The following CADM2 variants were observed in gnomAD, a reference collection of about 807,000 sequenced individuals.
The protein encoded by CADM2 is cell adhesion molecule 2.
Under a neutral mutation model 49.8 loss-of-function variants are expected in CADM2, and 12 were observed. That is an observed-to-expected ratio of 0.24 (90% confidence interval 0.15 to 0.39). The LOEUF is 0.39. Among genes scored for constraint, CADM2 ranks in the 10% least tolerant of loss-of-function variants. The pLI is 1.00. For missense variants in CADM2, 378 were observed against 492.3 expected, an observed-to-expected ratio of 0.77 and a Z score of 2.20; for synonymous variants, 214 against 175.4, an observed-to-expected ratio of 1.22 and a Z score of -1.74.
intron 2 of CADM2, among the ~76,000 whole-genome samples, chr3:85,733,809 G>T (rs1454510144): frequency 2.6e-5 from 4 of 151,954 alleles, no homozygotes; most frequent in Admixed American, 6.6e-5. Context: ...CATCTGAAAG[G>T]CAAGATCTTC....
rs150657878 is a variant in CADM2, at chr3:85,079,814, C to T, written c.61+120146C>T. 2.5e-3 allele frequency among the ~76,000 whole-genome samples: 377 copies of T among 151,952 alleles called. 1 individual carries two copies. Among genetic ancestry groups the T allele is most frequent in the African/African-American group, 7.9e-3 (330 of 41,542 alleles). Reference sequence around the variant, plus strand: ...CGTATATTTGTTATATTAAGACTTACTTTTCCAGATAATACCCCTTTAGAT... The same window carrying T: ...CGTATATTTGTTATATTAAGACTTATTTTTCCAGATAATACCCCTTTAGAT... On this transcript the variant is annotated intron_variant, in intron 1 of 9. Transcript: ENST00000383699.
intron 1 of CADM2, among the ~76,000 whole-genome samples, chr3:85,675,110 G>T (rs908451817): frequency 6.6e-6 from 1 of 152,014 alleles, no homozygotes; most frequent in Non-Finnish European, 1.5e-5. Flanking sequence ...CTTAACTCCA[G>T]CTATTACTAA....
chr3:85,198,779 G>C (rs2041411220), intron 1 of CADM2, among the ~76,000 whole-genome samples: 1 of 151,744 alleles, frequency 6.6e-6, no homozygotes, highest in African/African-American at 2.4e-5. Context: ...CATTCTTTCA[G>C]TTGTAATTGT....
intron 1 of CADM2, among the ~76,000 whole-genome samples, chr3:84,993,084 A>G (rs1421917057): frequency 6.6e-6 from 1 of 152,154 alleles, no homozygotes; most frequent in Non-Finnish European, 1.5e-5. Flanking sequence ...TTAAGAAAAA[A>G]AAATATGTAC....
chr3:85,309,883 C>T (rs2044303382), intron 1 of CADM2, among the ~76,000 whole-genome samples: 1 of 152,190 alleles, frequency 6.6e-6, no homozygotes, highest in African/African-American at 2.4e-5. Flanking sequence ...GGCTTCTTAT[C>T]AAAGGTCAGT....
chr3:85,292,527 A>G (rs2043830416), intron 1 of CADM2, among the ~76,000 whole-genome samples: 2 of 151,876 alleles, frequency 1.3e-5, no homozygotes, highest in Admixed American at 1.3e-4. Flanking sequence ...AAAATTGACC[A>G]CATACTTGGA....
chr3:85,833,643 C>T (rs2108238048), intron 3 of CADM2, among the ~76,000 whole-genome samples: 1 of 151,600 alleles, frequency 6.6e-6, no homozygotes, highest in East Asian at 1.9e-4. Flanking sequence ...GACATCTTTT[C>T]CCCATTGTGT....
rs550177501 is a variant in CADM2 at position 86,006,315 on chromosome 3, T to C, written c.970+44668T>C. 5.9e-5 allele frequency among the ~76,000 whole-genome samples: 9 copies of C among 152,296 alleles called. No individual in the cohort carries two copies. In the South Asian group the frequency reaches 1.9e-3, roughly 32 times the overall value. On this transcript the variant is annotated intron_variant, in intron 8 of 9. Transcript: ENST00000383699. ...GTAGTCTAGAGCTTTAACAGAAAGGTGTCATCCTTGATGACAGAATAGTCA... is the reference window on the plus strand; with the variant it reads ...GTAGTCTAGAGCTTTAACAGAAAGGCGTCATCCTTGATGACAGAATAGTCA...
intron 1 of CADM2, among the ~76,000 whole-genome samples, chr3:85,455,880 A>G (rs748978909): frequency 6.6e-6 from 1 of 152,324 alleles, no homozygotes; most frequent in Non-Finnish European, 1.5e-5. Context: ...ATAGTGGTCA[A>G]TCTCCAGGGA....
At chr3:85,136,597 T>C (rs2039420090) in intron 1 of CADM2, among the ~76,000 whole-genome samples, 1 of 152,000 alleles carries the variant, frequency 6.6e-6, no homozygotes, top group African/African-American at 2.4e-5. Flanking sequence ...GATTTTGCCT[T>C]AAAAAATAAA....
At chr3:85,991,786 TTAA>T (rs1405646558) in intron 8 of CADM2, among the ~76,000 whole-genome samples, 1 of 152,132 alleles carries the variant, frequency 6.6e-6, no homozygotes, top group Non-Finnish European at 1.5e-5. Context: ...TTTGGACTTA[TTAA>T]TATTAATTGA....
chr3:85,754,383 C>T (rs2069004537), intron 2 of CADM2, among the ~76,000 whole-genome samples: 1 of 152,112 alleles, frequency 6.6e-6, no homozygotes, highest in Non-Finnish European at 1.5e-5. Context: ...CCCTCTCCTG[C>T]TCTGATCATG....
intron 1 of CADM2, among the ~76,000 whole-genome samples, chr3:85,049,959 C>T (rs1196772600): frequency 6.6e-6 from 1 of 152,116 alleles, no homozygotes; most frequent in Non-Finnish European, 1.5e-5. Flanking sequence ...CTGGCCATAT[C>T]TTGGGCTGGA....
intron 1 of CADM2, among the ~76,000 whole-genome samples, chr3:85,297,022 C>G (rs528630318): frequency 4.5e-4 from 69 of 152,116 alleles, no homozygotes; most frequent in African/African-American, 1.6e-3. Flanking sequence ...TTTATCCCCT[C>G]ACAGGATGCT....
intron 1 of CADM2, among the ~76,000 whole-genome samples, chr3:85,189,072 A>C (rs911394665): frequency 2.0e-5 from 3 of 150,164 alleles, no homozygotes; most frequent in African/African-American, 7.3e-5. Context: ...AAAATAAATA[A>C]ATAAATAAAT....
intron 1 of CADM2, among the ~76,000 whole-genome samples, chr3:85,152,863 G>A (rs993756171): frequency 6.6e-6 from 1 of 151,626 alleles, no homozygotes; most frequent in East Asian, 2.0e-4. Flanking sequence ...TACTCGGGAG[G>A]CTGAGCAGGA....
At chr3:85,408,716 A>G (rs2107462304) in intron 1 of CADM2, among the ~76,000 whole-genome samples, 1 of 152,296 alleles carries the variant, frequency 6.6e-6, no homozygotes, top group East Asian at 1.9e-4. Context: ...TATCTTAAGG[A>G]CATGTGCTTT....
intron 1 of CADM2, among the ~76,000 whole-genome samples, chr3:85,552,746 G>A (rs1426546243): frequency 2.0e-5 from 3 of 151,488 alleles, no homozygotes; most frequent in Admixed American, 6.6e-5. Context: ...GTGCGATCCC[G>A]GCTCACTGCA....
chr3:85,368,753 G>A (rs1026984853), intron 1 of CADM2, among the ~76,000 whole-genome samples: 3 of 151,822 alleles, frequency 2.0e-5, no homozygotes, highest in African/African-American at 4.8e-5. Flanking sequence ...AACTATTTTT[G>A]TGTAACATTT....
Sources: allele counts gnomAD v4.1 joint callset (sites outside exome capture counted in the v4.1 genomes callset), GRCh38; gene constraint gnomAD v4.1.1; transcripts MANE v1.5; gene names NCBI Gene and HGNC (gene_info 2026-07-23, HGNC 2026-07-21).